The following ME1 variants were observed in gnomAD, a reference collection of about 807,000 sequenced individuals.
The protein encoded by ME1 is malic enzyme 1.
ME1 carries 74 observed loss-of-function variants against 66.4 expected under a neutral mutation model. The ratio of observed to expected loss-of-function variants is 1.11; its 90% CI spans 0.92 to 1.35. The LOEUF is 1.35. Ranked by LOEUF, ME1 falls within the 40% of genes most tolerant of loss-of-function variation. ME1 has a pLI of 0.00. For synonymous variants in ME1, 251 were observed against 235.6 expected (o/e 1.07, Z -0.60); for missense variants, 750 against 694.1 (o/e 1.08, Z -0.90).
intron 3 of ME1, among the ~76,000 whole-genome samples, chr6:83,365,570 T>G (rs1769088247): frequency 6.6e-6 from 1 of 152,164 alleles, no homozygotes; most frequent in Non-Finnish European, 1.5e-5. Context: ...CTGTAATTAT[T>G]TACTGTTGGC....
At chr6:83,319,344 G>A (rs1478383287) in intron 5 of ME1, among the ~76,000 whole-genome samples, 2 of 151,254 alleles carry the variant, frequency 1.3e-5, no homozygotes, top group Non-Finnish European at 2.9e-5. Flanking sequence ...AAAATAAAAA[G>A]ATAGGAAAAA....
At position 83,416,797 on chromosome 6, in the gene ME1, G is replaced by C. The variant is rs146893041; in HGVS notation, c.79-8896C>G. Among the ~76,000 whole-genome samples the C allele has an allele frequency of 1.0e-3, 158 of 151,772 alleles. 1 individual carries two copies. The highest frequency in any genetic ancestry group is 1.9e-3 in the Admixed American group (29 of 15,248). On this transcript the variant is annotated intron_variant, in intron 1 of 13. Coordinates refer to ENST00000369705, the MANE Select transcript of ME1 (RefSeq NM_002395.6). Reference sequence around the variant, plus strand: ...TGTAGTCCCAGCTACTTGGGAGGCAGAGGTGGTAGGATGTCTTTGGCCCGG... The same window carrying C: ...TGTAGTCCCAGCTACTTGGGAGGCACAGGTGGTAGGATGTCTTTGGCCCGG...
chr6:83,364,159 T>A (rs1325888865), intron 3 of ME1, among the ~76,000 whole-genome samples: 1 of 152,196 alleles, frequency 6.6e-6, no homozygotes, highest in Non-Finnish European at 1.5e-5. Context: ...GGGCACCATC[T>A]AATCAGCTGC....
At chr6:83,272,662 A>G (rs1162698647) in intron 6 of ME1, among the ~76,000 whole-genome samples, 1 of 152,170 alleles carries the variant, frequency 6.6e-6, no homozygotes, top group Non-Finnish European at 1.5e-5. Flanking sequence ...AAGTCCAAGG[A>G]TTAGATTCAA....
chr6:83,302,067 G>A (rs1229777528), intron 6 of ME1, among the ~76,000 whole-genome samples: 1 of 152,100 alleles, frequency 6.6e-6, no homozygotes, highest in Non-Finnish European at 1.5e-5. Context: ...CCCATCAATA[G>A]AAGACTGGAT....
At chr6:83,404,231 T>C (rs554890060) in intron 2 of ME1, among the ~76,000 whole-genome samples, 2 of 152,226 alleles carry the variant, frequency 1.3e-5, no homozygotes, top group Admixed American at 1.3e-4. Flanking sequence ...CATTGCGGTT[T>C]TGATTTGCAT....
intron 6 of ME1, among the ~76,000 whole-genome samples, chr6:83,265,204 T>C (rs1451543564): frequency 6.6e-6 from 1 of 152,226 alleles, no homozygotes; most frequent in African/African-American, 2.4e-5. Context: ...AATAAAGTTA[T>C]TTCTTAATTA....
At chr6:83,255,571 A>G (rs1766750139) in intron 6 of ME1, among the ~76,000 whole-genome samples, 1 of 152,030 alleles carries the variant, frequency 6.6e-6, no homozygotes, top group Admixed American at 6.6e-5. Flanking sequence ...TAAATCTGGT[A>G]TACTTTTACT....
intron 6 of ME1, among the ~76,000 whole-genome samples, chr6:83,259,624 GA>G (rs1562462189): frequency 2.6e-5 from 4 of 152,142 alleles, no homozygotes; most frequent in Non-Finnish European, 5.9e-5. Context: ...TAAGTAATCC[GA>G]AGTTGACACA....
intron 3 of ME1, among the ~76,000 whole-genome samples, chr6:83,365,056 C>T (rs1402949830): frequency 6.6e-6 from 1 of 152,196 alleles, no homozygotes; most frequent in Non-Finnish European, 1.5e-5. Context: ...TCTCACCTCA[C>T]TTGTCCTCAC....
chr6:83,249,330 C>T (rs1790680663), intron 7 of ME1, among the ~76,000 whole-genome samples: 1 of 151,926 alleles, frequency 6.6e-6, no homozygotes, highest in Admixed American at 6.6e-5. Context: ...AAACCTCCAC[C>T]ACCCGGGTTC....
At chr6:83,386,019 C>T (rs1174592539) in intron 3 of ME1, among the ~76,000 whole-genome samples, 1 of 151,706 alleles carries the variant, frequency 6.6e-6, no homozygotes, top group East Asian at 1.9e-4. Context: ...TTCCATCTGA[C>T]TTGTTTCATA....
Position 83,223,730 on chromosome 6 carries a change from C to G in ME1, c.1449+30G>C, listed in dbSNP as rs750510694. ...GCTGAGCACACTTGGTATTTTAAAC[C>G]CTTGGTAAACTTAGAGGATTTTACA... On this transcript the variant is annotated intron_variant, in intron 12 of 13. Transcript: ENST00000369705. 1.5e-5 allele frequency: 24 copies of G among 1,601,878 alleles called. No homozygotes were observed. In the East Asian group the frequency reaches 1.8e-4, roughly 12 times the overall value.
chr6:83,215,863 G>A (rs1271634760), intron 13 of ME1, among the ~76,000 whole-genome samples: 1 of 152,172 alleles, frequency 6.6e-6, no homozygotes, highest in Non-Finnish European at 1.5e-5. Flanking sequence ...CATAACCGTG[G>A]TATGTAGTTA....
At chr6:83,348,720 T>G (rs1768733532) in intron 4 of ME1, among the ~76,000 whole-genome samples, 1 of 150,040 alleles carries the variant, frequency 6.7e-6, no homozygotes, top group African/African-American at 2.4e-5. Flanking sequence ...TTGCAGTAGC[T>G]CACGCTTATA....
At position 83,230,168 on chromosome 6, in the gene ME1, T is replaced by A. The variant is rs972474278; in HGVS notation, c.1027-1237A>T. On this transcript the variant is annotated intron_variant, in intron 9 of 13. Transcript: ENST00000369705. ...TGTTGTTGTTGTTGTTGTTTTTAAT[T>A]TTGTTTTGTTTGTCTTTTTTTTTTG... 3.3e-5 allele frequency among the ~76,000 whole-genome samples: 5 copies of A among 151,896 alleles called. No individual in the cohort carries two copies. In the East Asian group the frequency reaches 9.7e-4, roughly 29 times the overall value.
At chr6:83,422,849 C>T (rs1770293427) in intron 1 of ME1, among the ~76,000 whole-genome samples, 2 of 152,018 alleles carry the variant, frequency 1.3e-5, no homozygotes, top group African/African-American at 4.8e-5. Flanking sequence ...ATCATATAGT[C>T]ACCTGAGGCT....
chr6:83,317,884 C>T (rs1252535194), intron 5 of ME1, among the ~76,000 whole-genome samples: 5 of 152,258 alleles, frequency 3.3e-5, no homozygotes, highest in East Asian at 1.9e-4. Flanking sequence ...AGGCATCACA[C>T]TACCTGACTT....
intron 3 of ME1, among the ~76,000 whole-genome samples, chr6:83,362,146 G>C (rs1021933295): frequency 6.6e-6 from 1 of 152,232 alleles, no homozygotes; most frequent in East Asian, 1.9e-4. Flanking sequence ...AGAACCTCAA[G>C]CAGTGCAACT....
Sources: gnomAD v4.1 joint callset for allele counts (sites outside exome capture counted in the v4.1 genomes callset) on GRCh38, gnomAD v4.1.1 for gene constraint, MANE v1.5 for transcripts, NCBI Gene and HGNC (gene_info 2026-07-23, HGNC 2026-07-21) for gene names.